The following MAN2B2 variants were observed in gnomAD, a reference collection of about 807,000 sequenced individuals.
MAN2B2 encodes epididymis-specific alpha-mannosidase.
A neutral mutation model predicts 117.1 loss-of-function variants in MAN2B2; 106 were observed. The ratio of observed to expected loss-of-function variants is 0.90; its 90% CI spans 0.77 to 1.06. The LOEUF is 1.06. Among genes scored for constraint, MAN2B2 ranks in the 50% least tolerant of loss-of-function variants. The pLI is 0.00. For missense variants in MAN2B2, 1,326 were observed against 1,381.4 expected, an observed-to-expected ratio of 0.96 and a Z score of 0.64; for synonymous variants, 544 against 595.1, an observed-to-expected ratio of 0.91 and a Z score of 1.25.
intron 3 of MAN2B2, among the ~76,000 whole-genome samples, chr4:6,578,940 C>T (rs1726173209): frequency 6.6e-6 from 1 of 151,226 alleles, no homozygotes; most frequent in South Asian, 2.1e-4. Context: ...ACCTTCAGCA[C>T]CATAATGACC....
chr4:6,605,302 C>G lies in MAN2B2; in HGVS notation c.1787C>G (p.Thr596Ser), dbSNP rs1727500595. The change falls in exon 11 of 19, where the codon ACC (threonine) becomes AGC (serine). Residue 596 changes from threonine to serine, a missense_variant. Physicochemically the swap from Thr to Ser is moderately conservative, Grantham distance 58. Transcript: ENST00000285599. ...DCYIVLLDQD[T>S]NLMHSIWERQ... ...TACATTGTGCTGCTCGACCAGGATACCAACCTGATGCACAGCATCTGGGAG... is the reference window on the plus strand; with the variant it reads ...TACATTGTGCTGCTCGACCAGGATAGCAACCTGATGCACAGCATCTGGGAG... The G allele has an allele frequency of 6.2e-7, 1 of 1,612,678 alleles. No homozygotes were observed. Among genetic ancestry groups the G allele is most frequent in the Non-Finnish European group, 8.5e-7 (1 of 1,178,852 alleles).
At position 6,579,116 on chromosome 4, in the gene MAN2B2, AT is replaced by A. The variant is rs1393813424; in HGVS notation, c.391+619del. On this transcript the variant is annotated intron_variant, in intron 3 of 18. Coordinates refer to ENST00000285599, the MANE Select transcript of MAN2B2 (RefSeq NM_015274.3). Reference sequence around the variant, plus strand: ...CATCACCAGCACCACCACCATCACCATCACCACTACCACCACCACCACCATC... The same window carrying A: ...CATCACCAGCACCACCACCATCACCACACCACTACCACCACCACCACCATC... Among the ~76,000 whole-genome samples, 303 of 73,710 alleles carry A rather than the reference AT, an allele frequency of 4.1e-3. 16 individuals are homozygous for A. The highest frequency in any genetic ancestry group is 0.017 in the East Asian group (24 of 1,410). 48.4% of individuals were successfully genotyped at this position (73,710 alleles called of 152,430 possible).
chr4:6,583,062 TTGA>T (rs1236460117), intron 3 of MAN2B2, among the ~76,000 whole-genome samples: 1 of 152,218 alleles, frequency 6.6e-6, no homozygotes, highest in African/African-American at 2.4e-5. Flanking sequence ...TGCTTCCATC[TTGA>T]TGTTCAGCCA....
Position 6,579,361 on chromosome 4 carries a change from T to TCACCAC in MAN2B2, c.391+868_391+869insCCACCA, listed in dbSNP as rs1726318453. On this transcript the variant is annotated intron_variant, in intron 3 of 18. Transcript: ENST00000285599. ...ACCACCATCACCATCACCACCACCA[T>TCACCAC]CACCATCACCACCACCACCACTACC... 5.3e-5 allele frequency among the ~76,000 whole-genome samples: 2 copies of TCACCAC among 37,950 alleles called. 1 individual carries two copies. The highest frequency in any genetic ancestry group is 2.1e-4 in the African/African-American group (2 of 9,638). 24.9% of individuals were successfully genotyped at this position (37,950 alleles called of 152,430 possible). A position where few individuals can be genotyped will look rare whatever the true frequency, so the allele number is the denominator to read the frequency against.
chr4:6,586,208 C>T (rs185821325), intron 3 of MAN2B2, among the ~76,000 whole-genome samples: 27 of 152,128 alleles, frequency 1.8e-4, no homozygotes, highest in Middle Eastern at 3.4e-3. Flanking sequence ...GCCACCACCA[C>T]GCCTGGCTAA....
intron 18 of MAN2B2, 54 bp from the exon 19 acceptor site, chr4:6,621,134 G>A: frequency 3.0e-6 from 4 of 1,326,212 alleles, no homozygotes; most frequent in Non-Finnish European, 4.3e-6. Flanking sequence ...GTGAGAGGGA[G>A]GCTGGGAGGA....
intron 5 of MAN2B2, among the ~76,000 whole-genome samples, chr4:6,591,718 C>T (rs1286456200): frequency 6.6e-6 from 1 of 152,160 alleles, no homozygotes; most frequent in Admixed American, 6.5e-5. Context: ...TCGCTGTACA[C>T]CTTCTTCCCC....
chr4:6,600,542 C>T (rs1727285650), intron 9 of MAN2B2, 81 bp from the exon 10 acceptor site: 3 of 1,517,774 alleles, frequency 2.0e-6, no homozygotes, highest in African/African-American at 1.4e-5. Flanking sequence ...CAGTTTCCCT[C>T]ATACTGAGGT....
rs1439909767 is a variant in MAN2B2, at chr4:6,610,966, C to T, written c.2346C>T (p.Ser782=). The change falls in exon 14 of 19, where the codon TCC becomes TCT. Residue 782 remains serine, a synonymous_variant. Transcript: ENST00000285599. The part of the protein sequence containing the change: ...VLLSERAHGI[S]SQGNGQVEVM... ...TGTCGGAGCGGGCACATGGCATCTC[C>T]AGCCAAGGGAATGGGCAGGTGGAGG... The T allele has an allele frequency of 6.2e-6, 10 of 1,614,092 alleles. No homozygotes were observed. Among genetic ancestry groups the T allele is most frequent in the Non-Finnish European group, 8.5e-6 (10 of 1,180,036 alleles).
Position 6,579,310 on chromosome 4 carries a change from C to CCACCACCAT in MAN2B2, c.391+821_391+829dup, listed in dbSNP as rs1726303776. Among the ~76,000 whole-genome samples, 197 of 72,674 alleles carry CCACCACCAT rather than the reference C, an allele frequency of 2.7e-3. 4 individuals are homozygous for CCACCACCAT. The highest frequency in any genetic ancestry group is 4.9e-3 in the Non-Finnish European group (155 of 31,846). The allele number at this position is 72,674 out of a possible 152,430, so 47.7% of individuals were successfully genotyped here. ...ACCATCACCACCACCATCACCACCACCACCACCATCACCACCACCACCACC... is the reference window on the plus strand; with the variant it reads ...ACCATCACCACCACCATCACCACCACCACCACCATCACCACCATCACCACCACCACCACC... On this transcript the variant is annotated intron_variant, in intron 3 of 18. Transcript: ENST00000285599.
chr4:6,610,009 C>T lies in MAN2B2; in HGVS notation c.2218C>T (p.Arg740Trp), dbSNP rs1205209076. The change falls in exon 13 of 19, where the codon CGG (arginine) becomes TGG (tryptophan). Residue 740 changes from arginine to tryptophan, a missense_variant. By Grantham distance (101) the Arg-to-Trp change is moderately radical. Transcript: ENST00000285599. ...YSDNNGYQMQ[R>W]RPYVSYVNNS... The stretch of plus-strand genomic sequence containing the variant: ...AGACAACAACGGCTACCAGATGCAG[C>T]GGAGGCCCTACGTTTCCTATGTGAA... 5 of 1,614,054 alleles carry T rather than the reference C, an allele frequency of 3.1e-6. No homozygotes were observed. Among genetic ancestry groups the T allele is most frequent in the Admixed American group, 1.7e-5 (1 of 59,998 alleles).
At chr4:6,590,700 TG>T (rs1726822719) in intron 5 of MAN2B2, among the ~76,000 whole-genome samples, 1 of 151,896 alleles carries the variant, frequency 6.6e-6, no homozygotes, top group Admixed American at 6.6e-5. Context: ...GGGATAGGGG[TG>T]CTGTGGATGC....
Position 6,585,123 on chromosome 4 carries a change from G to A in MAN2B2, c.392-1873G>A, listed in dbSNP as rs73796285. Among the ~76,000 whole-genome samples, 598 of 151,508 alleles carry A rather than the reference G, an allele frequency of 3.9e-3. 5 individuals carry two copies. The highest frequency in any genetic ancestry group is 0.014 in the African/African-American group (564 of 41,238). On this transcript the variant is annotated intron_variant, in intron 3 of 18. Transcript: ENST00000285599. Reference sequence around the variant, plus strand: ...GCCTCCACCCACACTCCTAGTCCACGCTCCCCCTGATCCCCTCTCACCTCT... The same window carrying A: ...GCCTCCACCCACACTCCTAGTCCACACTCCCCCTGATCCCCTCTCACCTCT...
In MAN2B2 at chr4:6,620,040, C is replaced by T. The variant is rs1712094571; in HGVS notation, c.2928C>T (p.His976=). 1.2e-6 allele frequency: 2 copies of T among 1,610,654 alleles called. 1 individual carries two copies. Among genetic ancestry groups the T allele is most frequent in the South Asian group, 2.2e-5 (2 of 90,654 alleles). Residue 976 remains histidine (H), a synonymous_variant, in exon 18 of 19, where the codon CAC becomes CAT. Coordinates refer to ENST00000285599, the MANE Select transcript of MAN2B2 (RefSeq NM_015274.3). ...RWSWRTGPGR[H]RGDTTSPSRP... is the part of the protein sequence containing the mutation. ...GCTGGAGGACGGGGCCTGGCCGCCACAGAGGTTTGGGGACCCCCGCTTCAG... is the reference window on the plus strand; with the variant it reads ...GCTGGAGGACGGGGCCTGGCCGCCATAGAGGTTTGGGGACCCCCGCTTCAG...
intron 3 of MAN2B2, among the ~76,000 whole-genome samples, chr4:6,586,237 C>T (rs1726629274): frequency 6.6e-6 from 1 of 151,972 alleles, no homozygotes; most frequent in Admixed American, 6.6e-5. Context: ...ATTTTGTGTG[C>T]ATGTGTAGAG....
At chr4:6,602,394 G>A (rs1727368948) in intron 10 of MAN2B2, among the ~76,000 whole-genome samples, 2 of 152,202 alleles carry the variant, frequency 1.3e-5, no homozygotes, top group Admixed American at 1.3e-4. Flanking sequence ...CTTCCTGTGT[G>A]TCCTCACATG....
At chr4:6,581,550 T>C (rs1726426632) in intron 3 of MAN2B2, among the ~76,000 whole-genome samples, 1 of 152,038 alleles carries the variant, frequency 6.6e-6, no homozygotes, top group African/African-American at 2.4e-5. Context: ...ATGTCCACAT[T>C]GGGCTGGTTT....
intron 3 of MAN2B2, among the ~76,000 whole-genome samples, 173 bp downstream of exon 3, chr4:6,578,671 T>C (rs1157761063): frequency 2.6e-5 from 4 of 152,038 alleles, no homozygotes; most frequent in East Asian, 1.9e-4. Flanking sequence ...ACCAAGGAAG[T>C]TGAATGTAGG....
intron 12 of MAN2B2, 71 bp downstream of exon 12, chr4:6,609,369 G>A (rs1431937071): frequency 1.4e-6 from 2 of 1,479,538 alleles, no homozygotes; most frequent in Non-Finnish European, 9.3e-7. Flanking sequence ...CTCAGTGAAT[G>A]AGGGTCTGTC....
Sources: gnomAD v4.1 joint callset for allele counts (sites outside exome capture counted in the v4.1 genomes callset) on GRCh38, gnomAD v4.1.1 for gene constraint, MANE v1.5 for transcripts, NCBI Gene and HGNC (gene_info 2026-07-23, HGNC 2026-07-21) for gene names.